Variants in RTN4 observed in about 807,000 individuals in gnomAD.
RTN4 encodes the protein reticulon 4.
RTN4 carries 32 observed loss-of-function variants against 90.4 expected under a neutral mutation model. The observed-to-expected ratio is 0.35, with a 90% CI of 0.27 to 0.48. The LOEUF (loss-of-function observed/expected upper bound fraction) is 0.48, where lower values mean the gene tolerates loss of function less well. Ranked by LOEUF, RTN4 falls within the 20% of genes least tolerant of loss-of-function variation. The pLI is 0.99. For missense variants in RTN4, 1,706 were observed against 1,430.2 expected (o/e 1.19, Z -3.11); for synonymous variants, 629 against 552.5 (o/e 1.14, Z -1.94).
intron 3 of RTN4, among the ~76,000 whole-genome samples, chr2:55,000,129 G>C (rs753408693): frequency 4.6e-5 from 7 of 152,104 alleles, no homozygotes; most frequent in Non-Finnish European, 8.8e-5. Flanking sequence ...GGTCAAGAAA[G>C]GCAATCAAAT....
Position 54,989,179 on chromosome 2 carries a change from G to A in RTN4, c.3014-1481C>T, listed in dbSNP as rs1047107636. 5.3e-5 allele frequency among the ~76,000 whole-genome samples: 8 copies of A among 152,208 alleles called. 1 individual carries two copies. Among genetic ancestry groups the A allele is most frequent in the Admixed American group, 2.0e-4 (3 of 15,286 alleles). Reference sequence around the variant, plus strand: ...TATTAGTACAAAGCCCTTAACTGCTGCTAGTATATCATGAGTACTGTTTAG... The same window carrying A: ...TATTAGTACAAAGCCCTTAACTGCTACTAGTATATCATGAGTACTGTTTAG... On this transcript the variant is annotated intron_variant, in intron 3 of 8. Transcript: ENST00000337526.
intron 1 of RTN4, among the ~76,000 whole-genome samples, chr2:55,031,865 C>T (rs999571870): frequency 1.9e-4 from 29 of 152,126 alleles, no homozygotes; most frequent in Non-Finnish European, 3.5e-4. Flanking sequence ...TCTGCAGACC[C>T]CTACCTCTAG....
At chr2:55,016,292 C>T (rs1681030290) in intron 3 of RTN4, among the ~76,000 whole-genome samples, 1 of 152,050 alleles carries the variant, frequency 6.6e-6, no homozygotes, top group South Asian at 2.1e-4. Context: ...CTTAAAAATA[C>T]ACATATGCGG....
chr2:54,998,174 T>C (rs1679582131), intron 3 of RTN4, among the ~76,000 whole-genome samples: 1 of 149,132 alleles, frequency 6.7e-6, no homozygotes, highest in African/African-American at 2.5e-5. Flanking sequence ...AGATAAGTGA[T>C]TGTCAGGGGC....
chr2:55,010,048 CAT>C (rs1680516996), intron 3 of RTN4: 1 of 1,599,062 alleles, frequency 6.3e-7, no homozygotes, highest in African/African-American at 1.3e-5. Context: ...TTAGTGGTCA[CAT>C]ATAAAAACTG....
At chr2:55,082,434 C>A (rs1319022451) in intron 1 of RTN4, among the ~76,000 whole-genome samples, 1 of 152,190 alleles carries the variant, frequency 6.6e-6, no homozygotes, top group Non-Finnish European at 1.5e-5. Context: ...ACACTCCCAA[C>A]ATGCTCCTGA....
chr2:55,011,016 AAACTATAATTTTATTT>A (rs1440378025), intron 3 of RTN4, among the ~76,000 whole-genome samples: 1 of 152,132 alleles, frequency 6.6e-6, no homozygotes, highest in Non-Finnish European at 1.5e-5. Flanking sequence ...ACATAAAAGC[AAACTATAATTTTATTT>A]TATTTTTTAT....
At chr2:55,043,997 C>A (rs1169252433) in intron 1 of RTN4, among the ~76,000 whole-genome samples, 2 of 151,404 alleles carry the variant, frequency 1.3e-5, no homozygotes, top group Non-Finnish European at 2.9e-5. Context: ...GGAATTTGAG[C>A]CCAGCCTGGG....
intron 3 of RTN4, among the ~76,000 whole-genome samples, chr2:55,021,419 T>C (rs1681427565): frequency 6.6e-6 from 1 of 151,674 alleles, no homozygotes; most frequent in African/African-American, 2.4e-5. Context: ...AAATCTCATA[T>C]AGTGCCTGAT....
intron 1 of RTN4, among the ~76,000 whole-genome samples, chr2:55,033,448 G>C (rs1315400252): frequency 3.3e-5 from 5 of 152,182 alleles, no homozygotes; most frequent in African/African-American, 1.2e-4. Context: ...GACATGCAAT[G>C]AGCAGAGCAG....
chr2:55,017,074 A>G (rs1430046091), intron 3 of RTN4, among the ~76,000 whole-genome samples: 2 of 152,304 alleles, frequency 1.3e-5, no homozygotes, highest in Admixed American at 6.5e-5. Flanking sequence ...CGTTTCCTTT[A>G]TTAACAAGAG....
Position 55,050,011 on chromosome 2 carries a change from G to A in RTN4, c.290C>T (p.Ala97Val). ...CTGCCGCTCCGGGGCGACGGGGGGAGCGGCCGGCAGGGGTCCCCGGGGCGC... is the reference window on the plus strand; with the variant it reads ...CTGCCGCTCCGGGGCGACGGGGGGAACGGCCGGCAGGGGTCCCCGGGGCGC... The part of the protein sequence containing the change: ...PPAPRGPLPA[A>V]PPVAPERQPS... Residue 97 changes from alanine (A) to valine (V), a missense_variant, in exon 1 of 9, where the codon GCT becomes GTT. Coordinates refer to ENST00000337526, the MANE Select transcript of RTN4 (RefSeq NM_020532.5). The surrounding 1 kb of genome is among the most constrained non-coding windows in gnomAD (Gnocchi z 4.6). The A allele has an allele frequency of 7.2e-7, 1 of 1,380,644 alleles. No individual in the cohort carries two copies. The highest frequency in any genetic ancestry group is 9.3e-7 in the Non-Finnish European group (1 of 1,074,464). The allele number at this position is 1,380,644 out of a possible 1,614,324, so 85.5% of individuals were successfully genotyped here.
intron 4 of RTN4, among the ~76,000 whole-genome samples, chr2:54,984,346 T>C (rs1244988234): frequency 2.0e-5 from 3 of 152,256 alleles, no homozygotes; most frequent in Non-Finnish European, 4.4e-5. Context: ...TACTAATACA[T>C]GGTCTAACAC....
At chr2:55,060,498 T>G in intron 2 of RTN4, 1 of 152,252 alleles carries the variant, frequency 6.6e-6, no homozygotes, top group East Asian at 1.9e-4. Flanking sequence ...TCCTCACATA[T>G]TCATTCGTTT....
In RTN4 at chr2:54,990,443, G is replaced by C. The variant is rs193241776; in HGVS notation, c.3014-2745C>G. ...GATCTCATTGAGATGTGATTCACTA[G>C]ATTTTTCATTAGTAAGATAATTAAT... On this transcript the variant is annotated intron_variant, in intron 3 of 8. Coordinates refer to ENST00000337526, the MANE Select transcript of RTN4 (RefSeq NM_020532.5). Among the ~76,000 whole-genome samples, 415 of 152,210 alleles carry C rather than the reference G, an allele frequency of 2.7e-3. 1 individual carries two copies. Among genetic ancestry groups the C allele is most frequent in the African/African-American group, 9.1e-3 (378 of 41,536 alleles).
At chr2:54,997,704 T>TA (rs2104729620) in intron 3 of RTN4, among the ~76,000 whole-genome samples, 1 of 152,330 alleles carries the variant, frequency 6.6e-6, no homozygotes, top group African/African-American at 2.4e-5. Flanking sequence ...AGTCCTCCCT[T>TA]ACCTGCATTT....
chr2:55,026,473 G>A lies in RTN4; in HGVS notation c.1626C>T (p.Val542=), dbSNP rs138638032. ...TCAGGCCTTCAGGCATGTTTGCCAC[G>A]ACTTCCTCAGTCACCTTTGTTAAAT... ...TDNLTKVTEE[V]VANMPEGLTP... The change falls in exon 3 of 9, where the codon GTC becomes GTT. Residue 542 remains valine, a synonymous_variant. Transcript: ENST00000337526. 1.2e-4 allele frequency: 192 copies of A among 1,613,834 alleles called. No individual in the cohort carries two copies. The East Asian group carries it at 3.2e-3, about 27-fold the overall frequency.
rs957223875 is a variant in RTN4 at position 54,972,867 on chromosome 2, G to GT, written c.*288dup. The GT allele has an allele frequency of 1.6e-4, 43 of 270,920 alleles. No individual in the cohort carries two copies. Among genetic ancestry groups the GT allele is most frequent in the African/African-American group, 9.6e-4 (41 of 42,860 alleles). 16.8% of individuals were successfully genotyped at this position (270,920 alleles called of 1,614,324 possible). On this transcript the variant is annotated 3_prime_UTR_variant, in exon 9 of 9. Transcript: ENST00000337526. Reference sequence around the variant, plus strand: ...ATGCGGCAAGACTATCTGCAACAAAGTAAAATATACAGGTTTTTTATTCCA... The same window carrying GT: ...ATGCGGCAAGACTATCTGCAACAAAGTTAAAATATACAGGTTTTTTATTCCA...
intron 1 of RTN4, among the ~76,000 whole-genome samples, chr2:55,088,083 T>A (rs989752142): frequency 1.3e-5 from 2 of 152,216 alleles, no homozygotes; most frequent in Non-Finnish European, 2.9e-5. Context: ...CCCTGAGGAA[T>A]GTTGCCTCAG....
Sources: gnomAD v4.1 joint callset for allele counts (sites outside exome capture counted in the v4.1 genomes callset) on GRCh38, gnomAD v4.1.1 for gene constraint, Gnocchi (gnomAD v3.1) non-coding constraint, MANE v1.5 for transcripts, NCBI Gene and HGNC (gene_info 2026-07-23, HGNC 2026-07-21) for gene names.